Variants in SLC44A1 observed in about 807,000 individuals in gnomAD.
SLC44A1 encodes the protein choline transporter-like protein 1.
SLC44A1 carries 26 observed loss-of-function variants against 79.3 expected under a neutral mutation model. The observed-to-expected ratio is 0.33, with a 90% CI of 0.24 to 0.46. SLC44A1 has a LOEUF of 0.46. Among genes scored for constraint, SLC44A1 ranks in the 20% least tolerant of loss-of-function variants. The pLI is 1.00. For missense variants in SLC44A1, 688 were observed against 798.1 expected, an observed-to-expected ratio of 0.86 and a Z score of 1.66; for synonymous variants, 263 against 286.2, an observed-to-expected ratio of 0.92 and a Z score of 0.82.
intron 1 of SLC44A1, among the ~76,000 whole-genome samples, chr9:105,249,423 C>T (rs1829528393): frequency 6.6e-6 from 1 of 151,836 alleles, no homozygotes; most frequent in African/African-American, 2.4e-5. Flanking sequence ...CCTTTTTTTT[C>T]CTTCATCTTC....
Position 105,389,852 on chromosome 9 carries a change from G to A in SLC44A1, c.*796G>A, listed in dbSNP as rs1828718340. 6.9e-7 allele frequency: 1 copy of A among 1,459,016 alleles called. No individual in the cohort carries two copies. Among genetic ancestry groups the A allele is most frequent in the Non-Finnish European group, 9.0e-7 (1 of 1,105,044 alleles). 90.4% of individuals were successfully genotyped at this position (1,459,016 alleles called of 1,614,324 possible). A position where few individuals can be genotyped will look rare whatever the true frequency, so the allele number is the denominator to read the frequency against. ...ATTTGTGTGCCTGATTTGAAAGGAAGCTGGGGCACCCAGCGAGTTTAGCCT... is the reference window on the plus strand; with the variant it reads ...ATTTGTGTGCCTGATTTGAAAGGAAACTGGGGCACCCAGCGAGTTTAGCCT... On this transcript the variant is annotated 3_prime_UTR_variant, in exon 16 of 16. Coordinates refer to ENST00000374720, the MANE Select transcript of SLC44A1 (RefSeq NM_080546.5).
At chr9:105,412,265 C>A (rs75212426) in intron 15 of SLC44A1, among the ~76,000 whole-genome samples, 2,131 of 152,110 alleles carry the variant, frequency 0.014, 65 homozygotes, top group African/African-American at 0.049. Flanking sequence ...TATCAAATCC[C>A]AGATTGTTAC....
At chr9:105,386,084 T>G in intron 15 of SLC44A1, 1 of 985,276 alleles carries the variant, frequency 1.0e-6, no homozygotes, top group African/African-American at 1.7e-5. Flanking sequence ...TCCCACTCAG[T>G]AAGACAATCT....
rs150434010 is a variant in SLC44A1 at position 105,340,269 on chromosome 9, G to A, written c.406+4570G>A. ...CATGGATGAACCTTGAGGACATTAT[G>A]CGAAGTGAAGTAATCCAGTCACAAA... is the stretch of plus-strand genomic sequence containing the variant. On this transcript the variant is annotated intron_variant, in intron 4 of 15. Transcript: ENST00000374720. Among the ~76,000 whole-genome samples, 34 of 152,342 alleles carry A rather than the reference G, an allele frequency of 2.2e-4. No homozygotes were observed. The East Asian group carries it at 6.6e-3, about 29-fold the overall frequency.
chr9:105,437,886 T>C (rs1285487520), intron 15 of SLC44A1, among the ~76,000 whole-genome samples: 3 of 152,196 alleles, frequency 2.0e-5, no homozygotes, highest in Admixed American at 6.5e-5. Context: ...AAAAACCTCT[T>C]TGTCAAAGAA....
chr9:105,371,528 G>A (rs557269650), intron 12 of SLC44A1, among the ~76,000 whole-genome samples: 2 of 152,030 alleles, frequency 1.3e-5, no homozygotes, highest in East Asian at 1.9e-4. Context: ...CCAGGAGATC[G>A]AGACCATCCT....
chr9:105,271,183 A>G (rs1199438676), intron 1 of SLC44A1, among the ~76,000 whole-genome samples: 7 of 152,182 alleles, frequency 4.6e-5, no homozygotes, highest in Admixed American at 1.3e-4. Context: ...TTGTTATCCC[A>G]TAATCTTGAC....
At chr9:105,310,627 T>G (rs990080151) in intron 3 of SLC44A1, among the ~76,000 whole-genome samples, 2 of 152,230 alleles carry the variant, frequency 1.3e-5, no homozygotes, top group African/African-American at 4.8e-5. Context: ...TAATGCACTT[T>G]ATAGGAAAAG....
intron 15 of SLC44A1, among the ~76,000 whole-genome samples, chr9:105,417,367 G>A (rs1829185052): frequency 6.6e-6 from 1 of 152,132 alleles, no homozygotes; most frequent in Admixed American, 6.6e-5. Context: ...CTTCCCTCAT[G>A]GAAGAAGGAT....
At chr9:105,335,797 A>G in intron 4 of SLC44A1, 98 bp downstream of exon 4, 1 of 1,098,782 alleles carries the variant, frequency 9.1e-7, no homozygotes, top group South Asian at 2.0e-5. Flanking sequence ...AAGGAACCTT[A>G]GATAATTGAA....
chr9:105,420,417 T>A (rs1169551777), intron 15 of SLC44A1, among the ~76,000 whole-genome samples: 2 of 152,206 alleles, frequency 1.3e-5, no homozygotes, highest in Admixed American at 1.3e-4. Context: ...CGGAGACATG[T>A]GCATGGTGAG....
chr9:105,366,647 G>T (rs1319185744), intron 12 of SLC44A1, among the ~76,000 whole-genome samples: 2 of 151,770 alleles, frequency 1.3e-5, no homozygotes, highest in Non-Finnish European at 2.9e-5. Context: ...CCAACTTTTA[G>T]GTTTAGGGAG....
chr9:105,260,910 G>T (rs1302692690), intron 1 of SLC44A1, among the ~76,000 whole-genome samples: 1 of 152,126 alleles, frequency 6.6e-6, no homozygotes, highest in Non-Finnish European at 1.5e-5. Flanking sequence ...GGGATGATGG[G>T]CCAAGCAAAT....
intron 13 of SLC44A1, among the ~76,000 whole-genome samples, chr9:105,380,743 C>T (rs911390988): frequency 4.6e-5 from 7 of 152,072 alleles, no homozygotes; most frequent in Admixed American, 2.0e-4. Flanking sequence ...GATCTCCATC[C>T]ACCATGGAGA....
chr9:105,369,424 A>G (rs928145011), intron 12 of SLC44A1, among the ~76,000 whole-genome samples: 5 of 152,148 alleles, frequency 3.3e-5, no homozygotes, highest in Non-Finnish European at 7.4e-5. Flanking sequence ...TTTTTAAATA[A>G]GGGCACTAAT....
chr9:105,287,428 C>T (rs914549931), intron 1 of SLC44A1, among the ~76,000 whole-genome samples: 17 of 152,104 alleles, frequency 1.1e-4, no homozygotes, highest in African/African-American at 3.9e-4. Context: ...TTGTATTTCC[C>T]TTACAACTAG....
At chr9:105,310,913 AGTCAACTAGCAT>A (rs1263170454) in intron 3 of SLC44A1, among the ~76,000 whole-genome samples, 1 of 152,238 alleles carries the variant, frequency 6.6e-6, no homozygotes, top group Non-Finnish European at 1.5e-5. Context: ...GGCATCCCAA[AGTCAACTAGCAT>A]GTGATACCAC....
chr9:105,300,205 C>A (rs985529594), intron 2 of SLC44A1, among the ~76,000 whole-genome samples: 4 of 152,190 alleles, frequency 2.6e-5, no homozygotes, highest in African/African-American at 9.7e-5. Flanking sequence ...CATGACAGAG[C>A]TGAGAACAGA....
downstream of SLC44A1, among the ~76,000 whole-genome samples, chr9:105,400,852 A>G (rs1828949458): frequency 6.6e-6 from 1 of 152,202 alleles, no homozygotes; most frequent in Non-Finnish European, 1.5e-5. Flanking sequence ...CAACTTTTCA[A>G]AGGGTTAATT....
Sources: allele counts gnomAD v4.1 joint callset (sites outside exome capture counted in the v4.1 genomes callset), GRCh38; gene constraint gnomAD v4.1.1; transcripts MANE v1.5; gene names NCBI Gene and HGNC (gene_info 2026-07-23, HGNC 2026-07-21).